Variants in TRIQK observed in about 807,000 individuals in gnomAD.
TRIQK encodes triple QxxK/R motif containing.
In TRIQK, 10 loss-of-function variants were observed where a neutral mutation model predicts 10.8. The observed-to-expected ratio is 0.92, with a 90% confidence interval of 0.57 to 1.57. The LOEUF (loss-of-function observed/expected upper bound fraction) is 1.57, where lower values mean the gene tolerates loss of function less well. Ranked by LOEUF, TRIQK falls within the 40% of genes most tolerant of loss-of-function variation. The pLI, the probability that TRIQK is intolerant of heterozygous loss-of-function variation, is 0.00. For synonymous variants in TRIQK, 33 were observed against 33.7 expected, an observed-to-expected ratio of 0.98 and a Z score of 0.07; for missense variants, 107 against 97.7, an observed-to-expected ratio of 1.09 and a Z score of -0.40.
chr8:92,902,584 T>C (rs772506758), intron 3 of TRIQK, among the ~76,000 whole-genome samples: 1 of 152,112 alleles, frequency 6.6e-6, no homozygotes, highest in Non-Finnish European at 1.5e-5. Flanking sequence ...GGTGCTTGTT[T>C]TGTGTGAATA....
intron 1 of TRIQK, among the ~76,000 whole-genome samples, chr8:92,994,789 A>G (rs1258620235): frequency 1.3e-5 from 2 of 151,996 alleles, no homozygotes; most frequent in African/African-American, 2.4e-5. Flanking sequence ...TCCTGTCAAA[A>G]TAAATCCCTT....
intron 1 of TRIQK, among the ~76,000 whole-genome samples, chr8:92,976,895 G>GA (rs1812938729): frequency 6.6e-6 from 1 of 151,838 alleles, no homozygotes; most frequent in South Asian, 2.1e-4. Context: ...AAAGAAGCTT[G>GA]ATGCAGTATA....
intron 1 of TRIQK, among the ~76,000 whole-genome samples, chr8:92,996,891 A>G (rs1238342639): frequency 1.3e-5 from 2 of 151,932 alleles, no homozygotes; most frequent in Non-Finnish European, 2.9e-5. Flanking sequence ...GCAAGCAGAA[A>G]AAAGTGTTGG....
At chr8:92,897,457 T>C (rs1486146056) in intron 3 of TRIQK, among the ~76,000 whole-genome samples, 3 of 152,246 alleles carry the variant, frequency 2.0e-5, no homozygotes, top group Admixed American at 1.3e-4. Context: ...TATTAGGTCA[T>C]AAGGGCTCTG....
chr8:92,908,293 T>A (rs909514905), intron 3 of TRIQK, among the ~76,000 whole-genome samples: 2 of 152,156 alleles, frequency 1.3e-5, no homozygotes, highest in Admixed American at 6.5e-5. Context: ...GCCACACTCA[T>A]TATCATCATG....
chr8:92,948,571 G>T (rs530720967), intron 2 of TRIQK, among the ~76,000 whole-genome samples: 1 of 152,248 alleles, frequency 6.6e-6, no homozygotes, highest in Admixed American at 6.5e-5. Context: ...CTATCAGCTA[G>T]TTTAAAATAT....
rs984908126 is a variant in TRIQK at position 93,009,032 on chromosome 8, A to C, written c.-181+8577T>G. On this transcript the variant is annotated intron_variant, in intron 1 of 4. Transcript: ENST00000520686. ...GGAGTAATCAAGCAAGTGAAGAGAC[A>C]ATATGGATAACAGAAGAAATTATTT... 2.0e-5 allele frequency among the ~76,000 whole-genome samples: 3 copies of C among 152,372 alleles called. No homozygotes were observed. The East Asian group carries it at 5.8e-4, about 29-fold the overall frequency.
chr8:92,956,795 A>G (rs1037509874), intron 1 of TRIQK, among the ~76,000 whole-genome samples: 1 of 151,960 alleles, frequency 6.6e-6, no homozygotes, highest in African/African-American at 2.4e-5. Flanking sequence ...TGTCTCAATT[A>G]AGTTTGTAAA....
At chr8:93,010,364 A>G (rs1813320211) in intron 1 of TRIQK, among the ~76,000 whole-genome samples, 2 of 152,156 alleles carry the variant, frequency 1.3e-5, no homozygotes. Flanking sequence ...GAAACATCAC[A>G]TTGTACTAGA....
At chr8:93,013,904 A>C (rs1279456324) in intron 1 of TRIQK, among the ~76,000 whole-genome samples, 1 of 152,186 alleles carries the variant, frequency 6.6e-6, no homozygotes, top group Non-Finnish European at 1.5e-5. Flanking sequence ...GATTTATTAT[A>C]AACAGAAATG....
At chr8:92,946,843 C>T (rs1440265436) in intron 2 of TRIQK, among the ~76,000 whole-genome samples, 2 of 151,554 alleles carry the variant, frequency 1.3e-5, no homozygotes, top group African/African-American at 2.4e-5. Flanking sequence ...TCACTGCGAG[C>T]TCCGCCTGCT....
At chr8:92,978,146 A>C (rs1440274271) in intron 1 of TRIQK, among the ~76,000 whole-genome samples, 1 of 152,048 alleles carries the variant, frequency 6.6e-6, no homozygotes, top group Non-Finnish European at 1.5e-5. Context: ...CTCCTGTCTG[A>C]CACCTTTCCC....
intron 1 of TRIQK, among the ~76,000 whole-genome samples, chr8:93,001,070 G>A (rs1325224902): frequency 6.6e-6 from 1 of 152,138 alleles, no homozygotes. Context: ...CACTTTGGGA[G>A]GCTGAGATGG....
chr8:92,953,077 A>G (rs1048099128), intron 2 of TRIQK, among the ~76,000 whole-genome samples: 3 of 152,028 alleles, frequency 2.0e-5, no homozygotes, highest in Admixed American at 1.3e-4. Context: ...GCAGCCTTTC[A>G]TAAGTACAAC....
chr8:93,013,348 C>T (rs751692505), intron 1 of TRIQK, among the ~76,000 whole-genome samples: 1 of 152,074 alleles, frequency 6.6e-6, no homozygotes, highest in African/African-American at 2.4e-5. Flanking sequence ...AGATGGTTAG[C>T]TTCTTGTGGT....
chr8:93,006,901 G>T (rs1433566108), intron 1 of TRIQK, among the ~76,000 whole-genome samples: 1 of 152,200 alleles, frequency 6.6e-6, no homozygotes, highest in East Asian at 1.9e-4. Flanking sequence ...GGTCTCTGTG[G>T]ATAAGCAGGC....
At chr8:92,893,106 T>C in intron 3 of TRIQK, among the ~76,000 whole-genome samples, 1 of 151,948 alleles carries the variant, frequency 6.6e-6, no homozygotes, top group East Asian at 1.9e-4. Context: ...ATAATACAAA[T>C]TCTAACATTA....
intron 2 of TRIQK, among the ~76,000 whole-genome samples, chr8:92,940,558 T>C (rs562947716): frequency 1.0e-3 from 158 of 152,272 alleles, no homozygotes; most frequent in African/African-American, 3.6e-3. Context: ...ATAAATGGAC[T>C]TGTCCAGCAA....
At chr8:92,936,148 C>T (rs562252866) in intron 2 of TRIQK, among the ~76,000 whole-genome samples, 6 of 151,342 alleles carry the variant, frequency 4.0e-5, no homozygotes, top group African/African-American at 1.5e-4. Flanking sequence ...GAAATGAGAA[C>T]AAGGCAAGAT....
Sources: allele counts gnomAD v4.1 joint callset (sites outside exome capture counted in the v4.1 genomes callset), GRCh38; gene constraint gnomAD v4.1.1; transcripts MANE v1.5; gene names NCBI Gene and HGNC (gene_info 2026-07-23, HGNC 2026-07-21).